Variants in RUBCN observed in about 807,000 individuals in gnomAD.
RUBCN encodes rubicon autophagy regulator.
Under a neutral mutation model 113.2 loss-of-function variants are expected in RUBCN, and 74 were observed. The ratio of observed to expected loss-of-function variants is 0.65; its 90% CI spans 0.54 to 0.79. The LOEUF is 0.79. Ranked by LOEUF, RUBCN falls within the 30% of genes least tolerant of loss-of-function variation. The pLI is 0.00. For synonymous variants in RUBCN, 480 were observed against 490.0 expected (o/e 0.98, Z 0.27); for missense variants, 1,109 against 1,251.7 (o/e 0.89, Z 1.72).
chr3:197,695,779 A>C (rs1722933250), intron 9 of RUBCN, 87 bp downstream of exon 9: 1 of 1,232,292 alleles, frequency 8.1e-7, no homozygotes, highest in South Asian at 1.2e-5. Flanking sequence ...ATCTATACCC[A>C]AAACCTCATC....
chr3:197,734,900 G>A (rs1300817048), intron 1 of RUBCN, among the ~76,000 whole-genome samples: 1 of 152,170 alleles, frequency 6.6e-6, no homozygotes, highest in Non-Finnish European at 1.5e-5. Flanking sequence ...GAGCCCCAAA[G>A]TCCTGTCAGT....
At chr3:197,730,926 C>G (rs1388463307) in intron 1 of RUBCN, among the ~76,000 whole-genome samples, 1 of 74,012 alleles carries the variant, frequency 1.4e-5, no homozygotes, top group African/African-American at 5.8e-5. Flanking sequence ...ACAGTTTCAA[C>G]TATTTATTCA....
chr3:197,738,811 C>T (rs1728374666), upstream of RUBCN, among the ~76,000 whole-genome samples: 1 of 151,612 alleles, frequency 6.6e-6, no homozygotes, highest in African/African-American at 2.4e-5. Context: ...AAGCTGGTCT[C>T]AAATTCCTGG....
chr3:197,731,446 T>A (rs1221636068), intron 1 of RUBCN, among the ~76,000 whole-genome samples: 1 of 152,070 alleles, frequency 6.6e-6, no homozygotes, highest in Non-Finnish European at 1.5e-5. Flanking sequence ...TCCCCACCTT[T>A]CCCCCGTTTC....
At chr3:197,727,018 C>T (rs1016217524) in intron 1 of RUBCN, among the ~76,000 whole-genome samples, 1 of 150,692 alleles carries the variant, frequency 6.6e-6, no homozygotes, top group Non-Finnish European at 1.5e-5. Flanking sequence ...CAGCTCACTG[C>T]AACCTCCGCC....
rs1721212491 is a variant in RUBCN at position 197,681,317 on chromosome 3, G to C, written c.2242C>G (p.Gln748Glu). The change falls in exon 16 of 20, where the codon CAG becomes GAG. Residue 748 changes from glutamine to glutamate, a missense_variant. Gln to Glu is a conservative substitution (Grantham distance 29, BLOSUM62 2). Around this residue, in one of 3 missense-constraint regions of RUBCN, gnomAD observed 306 missense variants for 348.9 expected, o/e 0.88. Transcript: ENST00000296343. This position sits in a 1 kb window ranked among gnomAD's most constrained non-coding sequence, Gnocchi z 5.5. ...YCEYLGKYFC[Q>E]CCHENAQMAI... ...ATCTGGGCATTCTCGTGGCAGCACTGGCAGAAGTACTTGCCCAGGTACTCA... is the reference window on the plus strand; with the variant it reads ...ATCTGGGCATTCTCGTGGCAGCACTCGCAGAAGTACTTGCCCAGGTACTCA... 2 of 1,614,176 alleles carry C rather than the reference G, an allele frequency of 1.2e-6. No individual in the cohort carries two copies.
At position 197,706,379 on chromosome 3, in the gene RUBCN, A is replaced by G. The variant is rs571434094; in HGVS notation, c.220-1204T>C. ...ATAATTAAAAATATATAGAGCTAGC[A>G]CAAGTATCAAGAGACAGACCAGGCC... On this transcript the variant is annotated intron_variant, in intron 2 of 19. Coordinates refer to ENST00000296343, the MANE Select transcript of RUBCN (RefSeq NM_014687.4). Among the ~76,000 whole-genome samples the G allele has an allele frequency of 1.8e-4, 27 of 152,292 alleles. 1 individual carries two copies. The South Asian group carries it at 5.2e-3, about 29-fold the overall frequency.
chr3:197,712,332 C>T (rs1354977869), intron 2 of RUBCN, among the ~76,000 whole-genome samples: 1 of 152,118 alleles, frequency 6.6e-6, no homozygotes, highest in Non-Finnish European at 1.5e-5. Context: ...TTCCTAAGGC[C>T]CTGAGTGAAT....
intron 2 of RUBCN, among the ~76,000 whole-genome samples, chr3:197,705,566 G>GAA (rs1023962921): frequency 1.2e-4 from 5 of 42,472 alleles, no homozygotes; most frequent in Non-Finnish European, 1.9e-4. Context: ...CCCTAACTCA[G>GAA]AAAAAAAAAA....
At chr3:197,748,935 A>C (rs1560487689) in intron 1 of RUBCN, among the ~76,000 whole-genome samples, 1 of 152,194 alleles carries the variant, frequency 6.6e-6, no homozygotes, top group African/African-American at 2.4e-5. Context: ...GCATTTTATG[A>C]ATTGGAGAGG....
chr3:197,693,233 AGTGAG>A (rs1722627203), intron 11 of RUBCN, among the ~76,000 whole-genome samples: 1 of 152,228 alleles, frequency 6.6e-6, no homozygotes, highest in Non-Finnish European at 1.5e-5. Context: ...TGTGCTGAGC[AGTGAG>A]CACCGACCGC....
At chr3:197,716,924 C>T (rs1227900739) in intron 2 of RUBCN, among the ~76,000 whole-genome samples, 1 of 152,024 alleles carries the variant, frequency 6.6e-6, no homozygotes, top group Non-Finnish European at 1.5e-5. Flanking sequence ...AATTCAATAC[C>T]AGCCTGGGCA....
rs1387947716 is a variant in RUBCN at position 197,675,668 on chromosome 3, G to A, written c.2647-153C>T. Among the ~76,000 whole-genome samples the A allele has an allele frequency of 6.6e-6, 1 of 151,200 alleles. No individual in the cohort carries two copies. The highest frequency in any genetic ancestry group is 2.4e-5 in the African/African-American group (1 of 41,092). ...ACTCAGAAGCATGAAAGCTAAACTA[G>A]GACCAGGGCCGGGCAGCGTTAGACA... On this transcript the variant is annotated intron_variant, in intron 18 of 19. Coordinates refer to ENST00000296343, the MANE Select transcript of RUBCN (RefSeq NM_014687.4). The surrounding 1 kb of genome is among the most constrained non-coding windows in gnomAD (Gnocchi z 4.4).
At chr3:197,679,556 G>A (rs1720938378) in intron 16 of RUBCN, among the ~76,000 whole-genome samples, 1 of 143,698 alleles carries the variant, frequency 7.0e-6, no homozygotes, top group Non-Finnish European at 1.5e-5. Context: ...TCTGACAACT[G>A]GCTCCAGACT....
intron 9 of RUBCN, 45 bp from the exon 10 acceptor site, chr3:197,694,630 G>C: frequency 1.3e-6 from 2 of 1,497,090 alleles, no homozygotes; most frequent in Non-Finnish European, 1.9e-6. Flanking sequence ...TAGAAGTATT[G>C]AATGACATAC....
chr3:197,736,646 C>A lies in RUBCN; in HGVS notation c.65+9G>T, dbSNP rs1728164314. The A allele has an allele frequency of 1.3e-6, 2 of 1,532,450 alleles. No individual in the cohort carries two copies. Among genetic ancestry groups the A allele is most frequent in the Non-Finnish European group, 1.7e-6 (2 of 1,146,150 alleles). 94.9% of individuals were successfully genotyped at this position (1,532,450 alleles called of 1,614,324 possible). A position where few individuals can be genotyped will look rare whatever the true frequency, so the allele number is the denominator to read the frequency against. On this transcript the variant is annotated intron_variant, in intron 1 of 19. Transcript: ENST00000296343. ...CGCTGCCCCGACTCCGCGGCGGCTC[C>A]CAGCCCACCTGCTCTCCTCAGGCAG...
At chr3:197,719,664 G>A (rs1208305918) in intron 1 of RUBCN, among the ~76,000 whole-genome samples, 2 of 151,982 alleles carry the variant, frequency 1.3e-5, no homozygotes, top group African/African-American at 4.8e-5. Flanking sequence ...ACAATGAAGT[G>A]TCCCTAAGGT....
intron 16 of RUBCN, among the ~76,000 whole-genome samples, chr3:197,680,411 C>T (rs1366478499): frequency 5.3e-5 from 8 of 151,708 alleles, no homozygotes; most frequent in Non-Finnish European, 8.8e-5. Context: ...TGGCTTCAGA[C>T]TGTCCTACGC....
chr3:197,749,476 G>T lies in RUBCN; in HGVS notation c.-323C>A, dbSNP rs953419723. 57 of 1,276,876 alleles carry T rather than the reference G, an allele frequency of 4.5e-5. No homozygotes were observed. The East Asian group carries it at 4.6e-4, about 10-fold the overall frequency. The allele number at this position is 1,276,876 out of a possible 1,614,324, so 79.1% of individuals were successfully genotyped here. A position where few individuals can be genotyped will look rare whatever the true frequency, so the allele number is the denominator to read the frequency against. On this transcript the variant is annotated 5_prime_UTR_variant, in exon 1 of 21. Transcript: ENST00000273582. ...GTAGGTGGAGGAGCGTGCCAGGGAG[G>T]GGGGAGCTGGGATGCAGCTGCAATC...
Sources: gnomAD v4.1 joint callset for allele counts (sites outside exome capture counted in the v4.1 genomes callset) on GRCh38, gnomAD v4.1.1 for gene constraint, gnomAD v4.1.1 regional missense constraint, Gnocchi (gnomAD v3.1) non-coding constraint, MANE v1.5 for transcripts, NCBI Gene and HGNC (gene_info 2026-07-23, HGNC 2026-07-21) for gene names.